Variants in ST7L observed in about 807,000 individuals in gnomAD.
ST7L encodes the protein suppression of tumorigenicity 7 like.
A neutral mutation model predicts 72.5 loss-of-function variants in ST7L; 57 were observed. The ratio of observed to expected loss-of-function variants is 0.79; its 90% CI spans 0.64 to 0.98. ST7L has a LOEUF of 0.98. Ranked by LOEUF, ST7L falls within the 50% of genes least tolerant of loss-of-function variation. ST7L has a pLI of 0.00. For missense variants in ST7L, 576 were observed against 672.2 expected (o/e 0.86, Z 1.58); for synonymous variants, 221 against 240.9 (o/e 0.92, Z 0.77).
chr1:112,523,460 T>C (rs989185685), downstream of ST7L: 2 of 152,250 alleles, frequency 1.3e-5, no homozygotes, highest in Admixed American at 1.3e-4. Flanking sequence ...TGCTTCTGCA[T>C]TGATTGGCTT....
intron 14 of ST7L, among the ~76,000 whole-genome samples, chr1:112,531,817 A>T (rs1285702424): frequency 1.3e-5 from 2 of 152,228 alleles, no homozygotes; most frequent in Non-Finnish European, 2.9e-5. Context: ...ATGTTATAGG[A>T]CAATTAAAAC....
intron 6 of ST7L, among the ~76,000 whole-genome samples, chr1:112,588,659 T>A (rs1287062910): frequency 2.0e-5 from 3 of 152,228 alleles, no homozygotes; most frequent in Non-Finnish European, 2.9e-5. Context: ...TCATGTGGTT[T>A]CTTTCTTCAT....
intron 11 of ST7L, among the ~76,000 whole-genome samples, chr1:112,569,054 T>A (rs1557994274): frequency 1.3e-5 from 2 of 151,564 alleles, no homozygotes; most frequent in Admixed American, 6.6e-5. Context: ...ATAACTATAA[T>A]AAAAAAGACA....
intron 6 of ST7L, among the ~76,000 whole-genome samples, chr1:112,586,639 T>C (rs908199521): frequency 2.0e-5 from 3 of 152,122 alleles, no homozygotes; most frequent in African/African-American, 7.2e-5. Flanking sequence ...GGTGAAAAGA[T>C]TTTTTCCCCC....
Position 112,619,122 on chromosome 1 carries a change from T to A in ST7L, c.-9A>T. 1 of 1,612,742 alleles carries A rather than the reference T, an allele frequency of 6.2e-7. No individual in the cohort carries two copies. Among genetic ancestry groups the A allele is most frequent in the Non-Finnish European group, 8.5e-7 (1 of 1,179,528 alleles). The stretch of plus-strand genomic sequence containing the variant: ...CCGCCACGGTCCGCCATCTTGCCGC[T>A]ATCGCAGGCGCCAGGAGCTGGGAGG... On this transcript the variant is annotated 5_prime_UTR_variant, in exon 1 of 15. Coordinates refer to ENST00000358039, the MANE Select transcript of ST7L (RefSeq NM_017744.5).
intron 11 of ST7L, among the ~76,000 whole-genome samples, chr1:112,560,177 G>T (rs1289134118): frequency 2.0e-5 from 3 of 151,670 alleles, no homozygotes; most frequent in Non-Finnish European, 4.4e-5. Flanking sequence ...GGAGGATCAC[G>T]AGGTTAGGAG....
At chr1:112,533,330 T>TA (rs996067999) in intron 14 of ST7L, among the ~76,000 whole-genome samples, 33 of 152,166 alleles carry the variant, frequency 2.2e-4, no homozygotes, top group East Asian at 1.2e-3. Flanking sequence ...TATTTTATTT[T>TA]TTTTTTTGAG....
intron 12 of ST7L, among the ~76,000 whole-genome samples, chr1:112,551,955 C>T (rs1366781052): frequency 6.6e-6 from 1 of 152,186 alleles, no homozygotes; most frequent in East Asian, 1.9e-4. Context: ...GTGAGCTATA[C>T]ATACGTTTAA....
intron 6 of ST7L, among the ~76,000 whole-genome samples, chr1:112,588,867 G>A (rs945522526): frequency 1.3e-5 from 2 of 152,018 alleles, no homozygotes; most frequent in Non-Finnish European, 2.9e-5. Flanking sequence ...CTCCTATAAT[G>A]CATACATTGA....
chr1:112,597,213 A>G (rs1666616386), intron 5 of ST7L, among the ~76,000 whole-genome samples: 1 of 152,234 alleles, frequency 6.6e-6, no homozygotes, highest in South Asian at 2.1e-4. Flanking sequence ...AATCCCAGAG[A>G]GGGCTTTCTA....
At chr1:112,547,559 ATC>A (rs1657313991) in intron 13 of ST7L, among the ~76,000 whole-genome samples, 1 of 83,382 alleles carries the variant, frequency 1.2e-5, no homozygotes, top group Non-Finnish European at 2.4e-5. Context: ...CATCTTTGTC[ATC>A]TTTTTTTTTT....
At chr1:112,550,930 C>T (rs1452697273) in intron 12 of ST7L, among the ~76,000 whole-genome samples, 1 of 152,056 alleles carries the variant, frequency 6.6e-6, no homozygotes, top group Non-Finnish European at 1.5e-5. Flanking sequence ...ATGAGACTGG[C>T]TGGGTCCTTC....
chr1:112,534,346 C>A (rs1207343211), intron 14 of ST7L, among the ~76,000 whole-genome samples: 2 of 152,222 alleles, frequency 1.3e-5, no homozygotes, highest in Non-Finnish European at 2.9e-5. Context: ...AATAAGCTAT[C>A]TTATCAATTG....
chr1:112,520,317 A>C (rs748193343), downstream of ST7L: 1 of 1,614,182 alleles, frequency 6.2e-7, no homozygotes. Context: ...GCAGCAAGAC[A>C]TCAAAAGGAA....
chr1:112,533,892 C>A (rs1250977679), intron 14 of ST7L, among the ~76,000 whole-genome samples: 1 of 151,414 alleles, frequency 6.6e-6, no homozygotes, highest in African/African-American at 2.4e-5. Flanking sequence ...ATTGCCCAGG[C>A]TGGTCTCGAA....
chr1:112,581,835 AG>A (rs1176555133), intron 9 of ST7L, among the ~76,000 whole-genome samples, 156 bp downstream of exon 9: 1 of 152,232 alleles, frequency 6.6e-6, no homozygotes, highest in African/African-American at 2.4e-5. Context: ...TGCTAATGAA[AG>A]TCCTGATAAA....
chr1:112,520,778 G>A, downstream of ST7L: 1 of 499,368 alleles, frequency 2.0e-6, no homozygotes, highest in Non-Finnish European at 3.6e-6. Flanking sequence ...GGGGTCTTTA[G>A]AGTGAAATGA....
chr1:112,581,962 C>T (rs1342835519), intron 9 of ST7L, 30 bp downstream of exon 9: 1 of 1,319,146 alleles, frequency 7.6e-7, no homozygotes, highest in South Asian at 1.2e-5. Flanking sequence ...AAAGAATAAC[C>T]ATGCTATCAA....
intron 2 of ST7L, among the ~76,000 whole-genome samples, chr1:112,615,088 C>T (rs753457208): frequency 2.6e-5 from 4 of 152,136 alleles, no homozygotes; most frequent in Non-Finnish European, 5.9e-5. Flanking sequence ...TAACCTCTCC[C>T]TCCAGGGTTC....
Sources: allele counts gnomAD v4.1 joint callset (sites outside exome capture counted in the v4.1 genomes callset), GRCh38; gene constraint gnomAD v4.1.1; transcripts MANE v1.5; gene names NCBI Gene and HGNC (gene_info 2026-07-23, HGNC 2026-07-21).